TMOD2: variants seen among roughly 807,000 people sequenced by gnomAD.
The protein encoded by TMOD2 is tropomodulin 2.
A neutral mutation model predicts 39.9 loss-of-function variants in TMOD2; 22 were observed. That is an observed-to-expected ratio of 0.55 (90% CI 0.39 to 0.79). The LOEUF is 0.79. Among genes scored for constraint, TMOD2 ranks in the 30% least tolerant of loss-of-function variants. The pLI is 0.00. For synonymous variants in TMOD2, 123 were observed against 146.1 expected (o/e 0.84, Z 1.14); for missense variants, 386 against 413.3 (o/e 0.93, Z 0.57).
chr15:51,792,561 A>T (rs1456329051), intron 7 of TMOD2, among the ~76,000 whole-genome samples: 1 of 152,238 alleles, frequency 6.6e-6, no homozygotes, highest in African/African-American at 2.4e-5. Context: ...AGACACATGC[A>T]CACATATGTT....
chr15:51,776,909 G>T (rs2055892937), intron 4 of TMOD2, 23 bp from the exon 5 acceptor site: 1 of 1,601,584 alleles, frequency 6.2e-7, no homozygotes. Flanking sequence ...CAAACTTAAT[G>T]CTCATTTGTT....
intron 7 of TMOD2, among the ~76,000 whole-genome samples, chr15:51,797,947 T>A (rs1463245386): frequency 6.6e-6 from 1 of 151,748 alleles, no homozygotes; most frequent in Non-Finnish European, 1.5e-5. Context: ...TCTGTAATCC[T>A]ATGTCAGTAT....
intron 1 of TMOD2, among the ~76,000 whole-genome samples, chr15:51,762,235 T>C (rs1248723273): frequency 6.6e-6 from 1 of 151,682 alleles, no homozygotes; most frequent in African/African-American, 2.4e-5. Context: ...GCTGGGAGGA[T>C]TGTTTGAAGA....
At chr15:51,789,157 G>A (rs1200248507) in intron 7 of TMOD2, among the ~76,000 whole-genome samples, 1 of 152,182 alleles carries the variant, frequency 6.6e-6, no homozygotes, top group Non-Finnish European at 1.5e-5. Context: ...ATAAAGGGAT[G>A]GAGGAAGATC....
chr15:51,766,370 C>T lies in TMOD2; in HGVS notation c.-69-3C>T. On this transcript the variant is annotated splice_polypyrimidine_tract_variant and splice_region_variant and intron_variant, in intron 1 of 9. Coordinates refer to ENST00000249700, the MANE Select transcript of TMOD2 (RefSeq NM_014548.4). The stretch of plus-strand genomic sequence containing the variant: ...TTTTATTGTGTTTCTTTTTTATTAA[C>T]AGTATTCTGAAGTCTCAGGAAACTG... 2.2e-6 allele frequency: 3 copies of T among 1,393,264 alleles called. No individual in the cohort carries two copies. Among genetic ancestry groups the T allele is most frequent in the South Asian group, 1.4e-5 (1 of 73,694 alleles). The allele number at this position is 1,393,264 out of a possible 1,614,324, so 86.3% of individuals were successfully genotyped here.
At chr15:51,807,091 T>C (rs903127615) in intron 9 of TMOD2, among the ~76,000 whole-genome samples, 4 of 152,172 alleles carry the variant, frequency 2.6e-5, no homozygotes, top group African/African-American at 9.7e-5. Context: ...TGATCAACCA[T>C]AGCAAAGAAG....
chr15:51,795,268 T>TA (rs11318605), intron 7 of TMOD2, among the ~76,000 whole-genome samples: 2 of 151,476 alleles, frequency 1.3e-5, no homozygotes, highest in South Asian at 2.1e-4. Flanking sequence ...TACAAGTATA[T>TA]AAAAAAAATT....
intron 4 of TMOD2, among the ~76,000 whole-genome samples, chr15:51,775,602 G>A (rs1195343726): frequency 8.5e-6 from 1 of 117,354 alleles, no homozygotes; most frequent in African/African-American, 3.2e-5. Flanking sequence ...TTTTGAGACG[G>A]AGTCTCACTC....
intron 7 of TMOD2, among the ~76,000 whole-genome samples, chr15:51,792,168 A>G (rs2056016887): frequency 1.3e-5 from 2 of 152,262 alleles, no homozygotes; most frequent in African/African-American, 4.8e-5. Context: ...ATTTACAAGA[A>G]AAAAGCAAAC....
chr15:51,769,323 G>T (rs965620511), intron 3 of TMOD2, among the ~76,000 whole-genome samples: 3 of 152,118 alleles, frequency 2.0e-5, no homozygotes, highest in Admixed American at 6.5e-5. Context: ...CCATGTCCAG[G>T]ATGGCTCTAG....
intron 8 of TMOD2, among the ~76,000 whole-genome samples, chr15:51,801,237 T>TCTCACACACACACACA (rs1491214017): frequency 4.0e-4 from 41 of 102,134 alleles, no homozygotes; most frequent in Middle Eastern, 5.7e-3. Context: ...TCTCTCTCTC[T>TCTCACACACACACACA]CACACACACA....
chr15:51,762,303 A>C (rs1340764317), intron 1 of TMOD2, among the ~76,000 whole-genome samples: 1 of 151,594 alleles, frequency 6.6e-6, no homozygotes, highest in Non-Finnish European at 1.5e-5. Flanking sequence ...CAAAAAATAA[A>C]AAAAAAATAG....
intron 1 of TMOD2, among the ~76,000 whole-genome samples, chr15:51,755,222 A>G (rs999950383): frequency 2.6e-5 from 4 of 152,212 alleles, no homozygotes; most frequent in African/African-American, 4.8e-5. Flanking sequence ...CTCTTCTGCT[A>G]TGGCTCTTCC....
intron 1 of TMOD2, among the ~76,000 whole-genome samples, chr15:51,764,085 TA>T (rs34484778): frequency 0.46 from 67,748 of 148,012 alleles, 15,374 homozygotes; most frequent in Non-Finnish European, 0.48. Context: ...ATTAAAGATT[TA>T]AAAAAAAAAA....
intron 7 of TMOD2, among the ~76,000 whole-genome samples, chr15:51,788,683 G>C (rs1391712602): frequency 6.6e-6 from 1 of 151,660 alleles, no homozygotes; most frequent in Non-Finnish European, 1.5e-5. Flanking sequence ...TCTCAAGCCA[G>C]AAGAGTGGGG....
intron 1 of TMOD2, among the ~76,000 whole-genome samples, chr15:51,753,508 A>G (rs1446409531): frequency 6.6e-6 from 1 of 152,188 alleles, no homozygotes; most frequent in Non-Finnish European, 1.5e-5. Context: ...AAGTGATACA[A>G]TAGTGAATTG....
Position 51,768,220 on chromosome 15 carries a change from C to T in TMOD2, c.127-42C>T, listed in dbSNP as rs199537158. The T allele has an allele frequency of 1.2e-3, 1,936 of 1,611,992 alleles. 3 individuals carry two copies. The highest frequency in any genetic ancestry group is 1.6e-3 in the Non-Finnish European group (1,832 of 1,178,692). On this transcript the variant is annotated intron_variant, in intron 2 of 9. Transcript: ENST00000249700. ...GAAGAGGAAGTAGCAAAGTACAGGC[C>T]GGCAGACATCTTCCTTCCTGCTCAC...
At chr15:51,758,079 C>CTAATAATAA (rs145435018) in intron 1 of TMOD2, among the ~76,000 whole-genome samples, 377 of 149,736 alleles carry the variant, frequency 2.5e-3, no homozygotes, top group African/African-American at 8.8e-3. Flanking sequence ...GACCCTATTT[C>CTAATAATAA]TAATAATAAT....
At position 51,782,818 on chromosome 15, in the gene TMOD2, C is replaced by A; in HGVS notation, c.722C>A (p.Pro241His). The A allele has an allele frequency of 6.2e-7, 1 of 1,613,522 alleles. No homozygotes were observed. Among genetic ancestry groups the A allele is most frequent in the Non-Finnish European group, 8.5e-7 (1 of 1,179,504 alleles). The change falls in exon 7 of 10, where the codon CCT (proline) becomes CAT (histidine). Residue 241 changes from proline to histidine, a missense_variant. Coordinates refer to ENST00000249700, the MANE Select transcript of TMOD2 (RefSeq NM_014548.4). ...CTGGCCGCAACTCGCAGCAATGACC[C>A]TGTGGCCATTGTGAGTAAAATTCTT... ...FSLAATRSNDPVAIAFADMLK... is the reference protein window; with the variant it reads ...FSLAATRSNDHVAIAFADMLK...
Sources: allele counts gnomAD v4.1 joint callset (sites outside exome capture counted in the v4.1 genomes callset), GRCh38; gene constraint gnomAD v4.1.1; transcripts MANE v1.5; gene names NCBI Gene and HGNC (gene_info 2026-07-23, HGNC 2026-07-21).